Variants in CDC14C observed in about 807,000 individuals in gnomAD.
The protein encoded by CDC14C is dual specificity protein phosphatase CDC14C.
A neutral mutation model predicts 26.9 loss-of-function variants in CDC14C; 19 were observed. That is an observed-to-expected ratio of 0.71 (90% CI 0.49 to 1.04). The LOEUF is 1.04. Among genes scored for constraint, CDC14C ranks in the 50% least tolerant of loss-of-function variants. CDC14C has a pLI of 0.00. For missense variants in CDC14C, 423 were observed against 520.0 expected, an observed-to-expected ratio of 0.81 and a Z score of 1.81; for synonymous variants, 185 against 180.1, an observed-to-expected ratio of 1.03 and a Z score of -0.22.
rs1562668271 is a variant in CDC14C at position 48,925,107 on chromosome 7, C to G, written c.435C>G (p.Phe145Leu). ...FRDAAYGSCN[F>L]YITLLDCFHA... ...ATGCTGCCTATGGAAGCTGCAATTT[C>G]TACATTACACTTCTTGACTGTTTTC... The change falls in exon 1 of 1, where the codon TTC becomes TTG. Residue 145 changes from phenylalanine to leucine, a missense_variant. Transcript: ENST00000650262. 6.5e-7 allele frequency: 1 copy of G among 1,537,898 alleles called. No homozygotes were observed.
At position 48,926,252 on chromosome 7, in the gene CDC14C, G is replaced by T. The variant is rs1482865472; in HGVS notation, c.*236G>T. ...CTAATCAATGGGGAAAATGTCCACG[G>T]GGTTTCAGTAATGAACTTTTGAGTT... On this transcript the variant is annotated 3_prime_UTR_variant, in exon 1 of 1. Coordinates refer to ENST00000650262, the MANE Select transcript of CDC14C (RefSeq NM_152627.3). 4.2e-5 allele frequency among the ~76,000 whole-genome samples: 5 copies of T among 120,438 alleles called. 1 individual carries two copies. Among genetic ancestry groups the T allele is most frequent in the Non-Finnish European group, 7.2e-5 (4 of 55,286 alleles). The allele number at this position is 120,438 out of a possible 152,430, so 79.0% of individuals were successfully genotyped here.
rs562557302 is a variant in CDC14C, at chr7:48,927,160, A to G, written c.*1144A>G. Among the ~76,000 whole-genome samples the G allele has an allele frequency of 1.3e-5, 2 of 152,318 alleles. No homozygotes were observed. The highest frequency in any genetic ancestry group is 2.1e-4 in the South Asian group (1 of 4,824). On this transcript the variant is annotated 3_prime_UTR_variant, in exon 1 of 1. Coordinates refer to ENST00000650262, the MANE Select transcript of CDC14C (RefSeq NM_152627.3). ...TAATACTGTAGTAATATTAACTCTG[A>G]TAAGTACCCAAGCTGCTTGTCTTCT...
rs746937882 is a variant in CDC14C, at chr7:48,924,850, G to T, written c.178G>T (p.Gly60Ter). ...LEYENFSEDFGPLNLAMVYRY... is the reference protein window; with the variant it reads ...LEYENFSEDF ...ATATGAGAACTTCTCCGAAGACTTT[G>T]GACCACTCAATCTGGCAATGGTTTA... Residue 60 changes from glycine (G) to a stop codon, truncating the protein, a stop_gained, in exon 1 of 1, where the codon GGA (glycine) becomes TGA (stop). Transcript: ENST00000650262. LOFTEE classifies it high-confidence loss of function. 7.1e-7 allele frequency: 1 copy of T among 1,404,016 alleles called. No homozygotes were observed. The allele number at this position is 1,404,016 out of a possible 1,614,324, so 87.0% of individuals were successfully genotyped here.
In CDC14C at chr7:48,925,543, A is replaced by G. The variant is rs763561476; in HGVS notation, c.871A>G (p.Thr291Ala). 2 of 1,586,354 alleles carry G rather than the reference A, an allele frequency of 1.3e-6. No homozygotes were observed. The highest frequency in any genetic ancestry group is 1.7e-6 in the Non-Finnish European group (2 of 1,155,064). The change falls in exon 1 of 1, where the codon ACA (threonine) becomes GCA (alanine). Residue 291 changes from threonine to alanine, a missense_variant. By Grantham distance (58) the Thr-to-Ala change is moderately conservative. Around this residue, in one of 3 missense-constraint regions of CDC14C, gnomAD observed 22 missense variants for 69.1 expected, o/e 0.32. Coordinates refer to ENST00000650262, the MANE Select transcript of CDC14C (RefSeq NM_152627.3). ...AVHCKAGLGR[T>A]GTLIACYIMK... Reference sequence around the variant, plus strand: ...ACATTGTAAAGCTGGCCTTGGTCGCACAGGCACTCTGATAGCCTGCTACAT... The same window carrying G: ...ACATTGTAAAGCTGGCCTTGGTCGCGCAGGCACTCTGATAGCCTGCTACAT...
At position 48,924,908 on chromosome 7, in the gene CDC14C, A is replaced by C; in HGVS notation, c.236A>C (p.Lys79Thr). 7.0e-7 allele frequency: 1 copy of C among 1,425,494 alleles called. No homozygotes were observed. The highest frequency in any genetic ancestry group is 2.3e-5 in the East Asian group (1 of 44,032). The allele number at this position is 1,425,494 out of a possible 1,614,324, so 88.3% of individuals were successfully genotyped here. A position where few individuals can be genotyped will look rare whatever the true frequency, so the allele number is the denominator to read the frequency against. Reference protein sequence around the residue: ...RYCCKINKKLKSITMLRKKIV... With the variant: ...RYCCKINKKLTSITMLRKKIV... ...TGTTGCAAGATAAATAAGAAATTAA[A>C]GTCCATTACAATGTTAAGGAAGAAA... The change falls in exon 1 of 1, where the codon AAG becomes ACG. Residue 79 changes from lysine (K) to threonine (T), a missense_variant. Physicochemically the swap from Lys to Thr is moderately conservative, Grantham distance 78. Coordinates refer to ENST00000650262, the MANE Select transcript of CDC14C (RefSeq NM_152627.3).
Position 48,926,446 on chromosome 7 carries a change from G to T in CDC14C, c.*430G>T, listed in dbSNP as rs1024821461. ...CCGAACAGAGATTTACCCACATATT[G>T]ATTAACAGCAAACAAGTCATTAGCA... is the stretch of plus-strand genomic sequence containing the variant. On this transcript the variant is annotated 3_prime_UTR_variant, in exon 1 of 1. Transcript: ENST00000650262. Among the ~76,000 whole-genome samples, 1 of 151,842 alleles carries T rather than the reference G, an allele frequency of 6.6e-6. No individual in the cohort carries two copies. Among genetic ancestry groups the T allele is most frequent in the Admixed American group, 6.6e-5 (1 of 15,248 alleles).
chr7:48,924,772 A>C lies in CDC14C; in HGVS notation c.100A>C (p.Arg34=). ...DRLRFAILYS[R]PKSASNVHYF... ...CCTTCGTTTTGCCATTCTCTACAGC[A>C]GACCAAAGAGTGCATCAAATGTACA... Residue 34 remains arginine (R), a synonymous_variant, in exon 1 of 1, where the codon AGA becomes CGA. Transcript: ENST00000650262. 6 of 1,417,318 alleles carry C rather than the reference A, an allele frequency of 4.2e-6. No individual in the cohort carries two copies. Among genetic ancestry groups the C allele is most frequent in the Non-Finnish European group, 6.0e-6 (6 of 1,000,328 alleles). The allele number at this position is 1,417,318 out of a possible 1,614,324, so 87.8% of individuals were successfully genotyped here.
rs749787224 is a variant in CDC14C at position 48,925,320 on chromosome 7, G to A, written c.648G>A (p.Glu216=). Residue 216 remains glutamate (E), a synonymous_variant, in exon 1 of 1, where the codon GAG becomes GAA. Coordinates refer to ENST00000650262, the MANE Select transcript of CDC14C (RefSeq NM_152627.3). ...GTGGTTACCACCAACATTCTCCCGA[G>A]ACTTATATTCAATATTTTAAGAATC... ...LESGYHQHSP[E]TYIQYFKNHN... 5.6e-6 allele frequency: 9 copies of A among 1,604,928 alleles called. No individual in the cohort carries two copies. Among genetic ancestry groups the A allele is most frequent in the East Asian group, 2.2e-5 (1 of 44,852 alleles).
chr7:48,924,631 T>G lies in CDC14C; in HGVS notation c.-42T>G. On this transcript the variant is annotated 5_prime_UTR_variant, in exon 1 of 1. Transcript: ENST00000650262. Reference sequence around the variant, plus strand: ...GTCGAGCTGGGCCGCCGCGCCCCACTGCTCGCCGCGCTGCTCTTTGACCTC... The same window carrying G: ...GTCGAGCTGGGCCGCCGCGCCCCACGGCTCGCCGCGCTGCTCTTTGACCTC... 1 of 1,027,268 alleles carries G rather than the reference T, an allele frequency of 9.7e-7. No homozygotes were observed. The highest frequency in any genetic ancestry group is 1.3e-5 in the South Asian group (1 of 76,670). 63.6% of individuals were successfully genotyped at this position (1,027,268 alleles called of 1,614,324 possible).
In CDC14C at chr7:48,926,562, C is replaced by CTGCG. The variant is rs1244771930; in HGVS notation, c.*547_*550dup. Among the ~76,000 whole-genome samples the CTGCG allele has an allele frequency of 6.6e-6, 1 of 152,134 alleles. No individual in the cohort carries two copies. Among genetic ancestry groups the CTGCG allele is most frequent in the African/African-American group, 2.4e-5 (1 of 41,442 alleles). ...TAAAGGCATAGGTTGGGCTAGTTAA[C>CTGCG]TGCGGCAGGAGCACGTCCTTAAGGC... On this transcript the variant is annotated 3_prime_UTR_variant, in exon 1 of 1. Transcript: ENST00000650262.
Position 48,924,624 on chromosome 7 carries a change from GC to G in CDC14C, c.-45del. The stretch of plus-strand genomic sequence containing the variant: ...AGGGGCGGTCGAGCTGGGCCGCCGC[GC>G]CCCACTGCTCGCCGCGCTGCTCTTT... On this transcript the variant is annotated 5_prime_UTR_variant, in exon 1 of 1. Coordinates refer to ENST00000650262, the MANE Select transcript of CDC14C (RefSeq NM_152627.3). The G allele has an allele frequency of 3.0e-6, 3 of 997,234 alleles. No individual in the cohort carries two copies. Among genetic ancestry groups the G allele is most frequent in the Non-Finnish European group, 4.7e-6 (3 of 638,234 alleles). 61.8% of individuals were successfully genotyped at this position (997,234 alleles called of 1,614,324 possible).
rs747231084 is a variant in CDC14C at position 48,924,624 on chromosome 7, G to C, written c.-49G>C. 15 of 997,248 alleles carry C rather than the reference G, an allele frequency of 1.5e-5. No homozygotes were observed. The highest frequency in any genetic ancestry group is 2.7e-5 in the South Asian group (2 of 74,542). 61.8% of individuals were successfully genotyped at this position (997,248 alleles called of 1,614,324 possible). A position where few individuals can be genotyped will look rare whatever the true frequency, so the allele number is the denominator to read the frequency against. ...AGGGGCGGTCGAGCTGGGCCGCCGC[G>C]CCCCACTGCTCGCCGCGCTGCTCTT... On this transcript the variant is annotated 5_prime_UTR_variant, in exon 1 of 1. Transcript: ENST00000650262.
At position 48,925,674 on chromosome 7, in the gene CDC14C, A is replaced by G. The variant is rs564056520; in HGVS notation, c.1002A>G (p.Gln334=). The G allele has an allele frequency of 4.1e-5, 60 of 1,464,732 alleles. No individual in the cohort carries two copies. In the African/African-American group the frequency reaches 8.2e-4, roughly 20 times the overall value. The allele number at this position is 1,464,732 out of a possible 1,614,324, so 90.7% of individuals were successfully genotyped here. The part of the protein sequence containing the change: ...GPQQQFLVMK[Q]TSLWLEGDYF... ...AGCAGCAGTTTTTGGTGATGAAGCA[A>G]ACAAGCCTCTGGCTGGAAGGGGACT... The change falls in exon 1 of 1, where the codon CAA becomes CAG. Residue 334 remains glutamine, a synonymous_variant. Coordinates refer to ENST00000650262, the MANE Select transcript of CDC14C (RefSeq NM_152627.3).
Position 48,925,095 on chromosome 7 carries a change from A to G in CDC14C, c.423A>G (p.Gly141=). Residue 141 remains glycine (G), a synonymous_variant, in exon 1 of 1, where the codon GGA becomes GGG. Coordinates refer to ENST00000650262, the MANE Select transcript of CDC14C (RefSeq NM_152627.3). The part of the protein sequence containing the change: ...PYIPFRDAAY[G]SCNFYITLLD... ...TTCCTTTCAGAGATGCTGCCTATGG[A>G]AGCTGCAATTTCTACATTACACTTC... The G allele has an allele frequency of 6.5e-7, 1 of 1,535,938 alleles. No individual in the cohort carries two copies. The highest frequency in any genetic ancestry group is 9.0e-7 in the Non-Finnish European group (1 of 1,108,952).
In CDC14C at chr7:48,926,576, C is replaced by T. The variant is rs180903421; in HGVS notation, c.*560C>T. 2.0e-5 allele frequency among the ~76,000 whole-genome samples: 3 copies of T among 152,222 alleles called. No homozygotes were observed. The highest frequency in any genetic ancestry group is 2.1e-4 in the South Asian group (1 of 4,816). ...GGGCTAGTTAACTGCGGCAGGAGCACGTCCTTAAGGCACAGATGGCTCATG... is the reference window on the plus strand; with the variant it reads ...GGGCTAGTTAACTGCGGCAGGAGCATGTCCTTAAGGCACAGATGGCTCATG... On this transcript the variant is annotated 3_prime_UTR_variant, in exon 1 of 1. Transcript: ENST00000650262.
rs1798898640 is a variant in CDC14C at position 48,926,754 on chromosome 7, T to C, written c.*738T>C. ...ATGTTACAGTGCTGCAGAGATTTTA[T>C]TTATGGCCAGTTTTGGGGCCAGTTT... On this transcript the variant is annotated 3_prime_UTR_variant, in exon 1 of 1. Transcript: ENST00000650262. Among the ~76,000 whole-genome samples the C allele has an allele frequency of 6.6e-6, 1 of 151,368 alleles. No homozygotes were observed. The highest frequency in any genetic ancestry group is 2.1e-4 in the South Asian group (1 of 4,776).
rs1402246521 is a variant in CDC14C, at chr7:48,925,014, G to A, written c.342G>A (p.Leu114=). Residue 114 remains leucine (L), a synonymous_variant, in exon 1 of 1, where the codon TTG becomes TTA. Coordinates refer to ENST00000650262, the MANE Select transcript of CDC14C (RefSeq NM_152627.3). ...FLVGCYMVIY[L]GRTPEAAYRI... ...TTGGATGCTACATGGTTATATACTT[G>A]GGGAGAACCCCAGAAGCAGCATATA... 2 of 1,377,356 alleles carry A rather than the reference G, an allele frequency of 1.5e-6. No homozygotes were observed. The highest frequency in any genetic ancestry group is 2.1e-6 in the Non-Finnish European group (2 of 964,214). The allele number at this position is 1,377,356 out of a possible 1,614,324, so 85.3% of individuals were successfully genotyped here.
rs1798903114 is a variant in CDC14C, at chr7:48,927,036, C to T, written c.*1020C>T. Among the ~76,000 whole-genome samples the T allele has an allele frequency of 6.6e-6, 1 of 152,102 alleles. No homozygotes were observed. Among genetic ancestry groups the T allele is most frequent in the Non-Finnish European group, 1.5e-5 (1 of 68,026 alleles). Reference sequence around the variant, plus strand: ...TATTTATTTTCTGTTCAGCTTGTGACCCTGTGTCAAAATTTGTAAAGATAC... The same window carrying T: ...TATTTATTTTCTGTTCAGCTTGTGATCCTGTGTCAAAATTTGTAAAGATAC... On this transcript the variant is annotated 3_prime_UTR_variant, in exon 1 of 1. Transcript: ENST00000650262.
Position 48,926,912 on chromosome 7 carries a change from G to T in CDC14C, c.*896G>T, listed in dbSNP as rs1798900935. Among the ~76,000 whole-genome samples, 2 of 152,156 alleles carry T rather than the reference G, an allele frequency of 1.3e-5. No homozygotes were observed. The highest frequency in any genetic ancestry group is 2.9e-5 in the Non-Finnish European group (2 of 68,030). Reference sequence around the variant, plus strand: ...ATACCCAAGCCCTCTGGTACTCAGGGAGCTGGCTGGTCTGTGGTGCATGTG... The same window carrying T: ...ATACCCAAGCCCTCTGGTACTCAGGTAGCTGGCTGGTCTGTGGTGCATGTG... On this transcript the variant is annotated 3_prime_UTR_variant, in exon 1 of 1. Coordinates refer to ENST00000650262, the MANE Select transcript of CDC14C (RefSeq NM_152627.3).
Sources: gnomAD v4.1 joint callset for allele counts (sites outside exome capture counted in the v4.1 genomes callset) on GRCh38, gnomAD v4.1.1 for gene constraint, gnomAD v4.1.1 regional missense constraint, MANE v1.5 for transcripts, NCBI Gene and HGNC (gene_info 2026-07-23, HGNC 2026-07-21) for gene names.